Variants in TOM1 observed in about 807,000 individuals in gnomAD.
The protein encoded by TOM1 is target of Myb protein 1.
Under a neutral mutation model 61.3 loss-of-function variants are expected in TOM1, and 38 were observed. The observed-to-expected ratio is 0.62, with a 90% CI of 0.48 to 0.81. TOM1 has a LOEUF of 0.81. Ranked by LOEUF, TOM1 falls within the 40% of genes least tolerant of loss-of-function variation. TOM1 has a pLI of 0.00. For synonymous variants in TOM1, 270 were observed against 268.8 expected, an observed-to-expected ratio of 1.00 and a Z score of -0.04; for missense variants, 591 against 659.6, an observed-to-expected ratio of 0.90 and a Z score of 1.14.
At chr22:35,303,017 T>C (rs921506641) in intron 1 of TOM1, among the ~76,000 whole-genome samples, 1 of 152,124 alleles carries the variant, frequency 6.6e-6, no homozygotes, top group African/African-American at 2.4e-5. Context: ...TTGTTGATAG[T>C]AGAGCTGTAG....
chr22:35,346,097 G>T (rs188426584), intron 13 of TOM1, among the ~76,000 whole-genome samples: 5 of 152,212 alleles, frequency 3.3e-5, no homozygotes, highest in African/African-American at 9.7e-5. Context: ...ACAGCGCCAG[G>T]CTCTTACCTG....
chr22:35,302,330 C>CTTTTTTTTTTTTTTTT (rs138734), intron 1 of TOM1, among the ~76,000 whole-genome samples: 6 of 70,910 alleles, frequency 8.5e-5, no homozygotes, highest in East Asian at 4.4e-4. Flanking sequence ...TTTTCTTTTT[C>CTTTTTTTTTTTTTTTT]TTTTTTTTTT....
rs775683778 is a variant in TOM1, at chr22:35,322,053, G to A, written c.216+16G>A. The A allele has an allele frequency of 6.2e-7, 1 of 1,612,548 alleles. No homozygotes were observed. The highest frequency in any genetic ancestry group is 8.5e-7 in the Non-Finnish European group (1 of 1,178,628). ...GGCTCTCACAGTGAGTGCCCCATCT[G>A]TCTGTCCTGTGGCAGGACTACGGTC... On this transcript the variant is annotated intron_variant, in intron 3 of 14. Coordinates refer to ENST00000449058, the MANE Select transcript of TOM1 (RefSeq NM_005488.3).
chr22:35,315,964 C>G (rs1174325506), intron 1 of TOM1, among the ~76,000 whole-genome samples: 1 of 152,264 alleles, frequency 6.6e-6, no homozygotes, highest in African/African-American at 2.4e-5. Context: ...GTCACCCACC[C>G]TCCCCGAGCC....
intron 1 of TOM1, among the ~76,000 whole-genome samples, chr22:35,316,787 C>T (rs1927326655): frequency 6.6e-6 from 1 of 152,194 alleles, no homozygotes; most frequent in Non-Finnish European, 1.5e-5. Context: ...TTCGCCTCAA[C>T]TTTTTTTAAA....
rs144721465 is a variant in TOM1 at position 35,347,112 on chromosome 22, C to T, written c.1382C>T (p.Ser461Phe). The T allele has an allele frequency of 3.0e-4, 484 of 1,613,636 alleles. 1 individual carries two copies. The highest frequency in any genetic ancestry group is 1.8e-3 in the Middle Eastern group (11 of 6,076). ...GCCGCGGACCGATTGCCCAACCTCT[C>T]CAGCCCCTCAGCTGAGGGGCCCCCG... ...AKAADRLPNL[S>F]SPSAEGPPGP... is the part of the protein sequence containing the mutation. Residue 461 changes from serine to phenylalanine, a missense_variant, in exon 15 of 15, where the codon TCC (serine) becomes TTC (phenylalanine). Ser to Phe is a radical substitution (Grantham distance 155). Transcript: ENST00000449058.
At chr22:35,300,151 C>T (rs570124851) in intron 1 of TOM1, among the ~76,000 whole-genome samples, 171 bp downstream of exon 1, 1 of 152,374 alleles carries the variant, frequency 6.6e-6, no homozygotes, top group African/African-American at 2.4e-5. Flanking sequence ...TTGACAAGAA[C>T]TTGGGCCATT....
chr22:35,307,477 G>A (rs946835465), intron 1 of TOM1, among the ~76,000 whole-genome samples: 1 of 152,188 alleles, frequency 6.6e-6, no homozygotes, highest in Admixed American at 6.5e-5. Flanking sequence ...CTGAAATGGG[G>A]TCACAGCTTA....
chr22:35,304,928 G>A (rs1926183247), intron 1 of TOM1, among the ~76,000 whole-genome samples: 1 of 152,254 alleles, frequency 6.6e-6, no homozygotes, highest in Non-Finnish European at 1.5e-5. Flanking sequence ...AGTCCCTGGG[G>A]ATGAGCCTCA....
At chr22:35,317,253 G>A (rs1927375203) in intron 1 of TOM1, among the ~76,000 whole-genome samples, 1 of 152,094 alleles carries the variant, frequency 6.6e-6, no homozygotes, top group Non-Finnish European at 1.5e-5. Context: ...GGAGTGTGAT[G>A]GCTCAATCTC....
rs1930591910 is a variant in TOM1 at position 35,347,273 on chromosome 22, C to T, written c.*64C>T. The T allele has an allele frequency of 4.7e-6, 7 of 1,492,942 alleles. No individual in the cohort carries two copies. The Admixed American group carries it at 6.7e-5, about 14-fold the overall frequency. The allele number at this position is 1,492,942 out of a possible 1,614,324, so 92.5% of individuals were successfully genotyped here. A position where few individuals can be genotyped will look rare whatever the true frequency, so the allele number is the denominator to read the frequency against. On this transcript the variant is annotated 3_prime_UTR_variant, in exon 15 of 15. Transcript: ENST00000449058. ...CTCTCACACCCTTAGGCTGGGACCT[C>T]CCTCCCTCCTCTGGTGTTAAGGCTG...
At chr22:35,347,006 C>T (rs778459644) in intron 14 of TOM1, 37 bp downstream of exon 14, 2 of 1,609,116 alleles carry the variant, frequency 1.2e-6, no homozygotes, top group South Asian at 2.2e-5. Flanking sequence ...TCTCCTTTCC[C>T]CAGGGCTCTG....
chr22:35,333,370 G>C (rs767638948), intron 9 of TOM1, 34 bp from the exon 10 acceptor site: 1 of 1,595,452 alleles, frequency 6.3e-7, no homozygotes, highest in South Asian at 1.1e-5. Context: ...GCTGCAGACA[G>C]CGGGGATGAT....
intron 1 of TOM1, among the ~76,000 whole-genome samples, chr22:35,302,454 G>C (rs1925916587): frequency 1.1e-5 from 1 of 88,862 alleles, no homozygotes; most frequent in Admixed American, 1.1e-4. Flanking sequence ...TCCTGCCTCA[G>C]CCTCCCAAGG....
chr22:35,314,342 G>T (rs1304381744), intron 1 of TOM1, among the ~76,000 whole-genome samples: 1 of 151,796 alleles, frequency 6.6e-6, no homozygotes, highest in African/African-American at 2.4e-5. Context: ...CTCCCACCCC[G>T]CAGAAAACCT....
Position 35,300,313 on chromosome 22 carries a change from A to G in TOM1, c.52+333A>G, listed in dbSNP as rs563180006. ...TGGTTAAAGGGACTGCGTGGTTGGC[A>G]GTGGCTGGGCCACTCTGCTGGGTCC... On this transcript the variant is annotated intron_variant, in intron 1 of 14. Coordinates refer to ENST00000449058, the MANE Select transcript of TOM1 (RefSeq NM_005488.3). Among the ~76,000 whole-genome samples, 188 of 152,372 alleles carry G rather than the reference A, an allele frequency of 1.2e-3. 1 individual carries two copies. The highest frequency in any genetic ancestry group is 4.4e-3 in the African/African-American group (183 of 41,594).
chr22:35,327,830 A>T (rs1928474389), intron 7 of TOM1, among the ~76,000 whole-genome samples: 1 of 152,188 alleles, frequency 6.6e-6, no homozygotes, highest in Non-Finnish European at 1.5e-5. Context: ...GAGATGCGCC[A>T]GCCACTGATC....
At chr22:35,329,238 G>C (rs926724324) in intron 7 of TOM1, among the ~76,000 whole-genome samples, 1 of 152,218 alleles carries the variant, frequency 6.6e-6, no homozygotes, top group South Asian at 2.1e-4. Context: ...TTATAGGCAC[G>C]AGCCACCGGG....
At chr22:35,327,181 C>A (rs1390941799) in intron 6 of TOM1, 90 bp from the exon 7 acceptor site, 1 of 1,285,992 alleles carries the variant, frequency 7.8e-7, no homozygotes, top group Non-Finnish European at 1.1e-6. Context: ...GGTGCTGCAC[C>A]CAGGGTTGGT....
Sources: allele counts gnomAD v4.1 joint callset (sites outside exome capture counted in the v4.1 genomes callset), GRCh38; gene constraint gnomAD v4.1.1; transcripts MANE v1.5; gene names NCBI Gene and HGNC (gene_info 2026-07-23, HGNC 2026-07-21).